The following LDLRAD4 variants were observed in gnomAD, a reference collection of about 807,000 sequenced individuals.
LDLRAD4 encodes low density lipoprotein receptor class A domain containing 4.
In LDLRAD4, 5 loss-of-function variants were observed where a neutral mutation model predicts 17.0. The observed-to-expected ratio is 0.29, with a 90% CI of 0.15 to 0.62. The LOEUF is 0.62. Ranked by LOEUF, LDLRAD4 falls within the 20% of genes least tolerant of loss-of-function variation. The pLI is 0.84. For missense variants in LDLRAD4, 340 were observed against 424.7 expected, an observed-to-expected ratio of 0.80 and a Z score of 1.75; for synonymous variants, 168 against 171.8, an observed-to-expected ratio of 0.98 and a Z score of 0.17.
At chr18:13,525,150 C>T (rs548373515) in intron 3 of LDLRAD4, among the ~76,000 whole-genome samples, 2 of 152,246 alleles carry the variant, frequency 1.3e-5, no homozygotes, top group African/African-American at 2.4e-5. Flanking sequence ...GTGGGAGTGG[C>T]GTGGGAGCTG....
At position 13,278,436 on chromosome 18, in the gene LDLRAD4, C is replaced by CA. The variant is rs1166566232; in HGVS notation, c.-383+249dup. 3 of 152,250 alleles carry CA rather than the reference C, an allele frequency of 2.0e-5. No homozygotes were observed. In the East Asian group the frequency reaches 5.8e-4, roughly 29 times the overall value. 9.4% of individuals were successfully genotyped at this position (152,250 alleles called of 1,614,324 possible). A position where few individuals can be genotyped will look rare whatever the true frequency, so the allele number is the denominator to read the frequency against. ...AGCCCTGGTGGGGGACAGTCAGTGG[C>CA]AGAGCTGGGAGATGCCCAGAGCCCC... is the stretch of plus-strand genomic sequence containing the variant. On this transcript the variant is annotated intron_variant, in intron 1 of 5. Transcript: ENST00000359446.
intron 1 of LDLRAD4, among the ~76,000 whole-genome samples, chr18:13,297,950 C>A (rs1001608643): frequency 6.6e-6 from 1 of 152,206 alleles, no homozygotes; most frequent in Non-Finnish European, 1.5e-5. Flanking sequence ...GAGGCTGGGC[C>A]CTCTCTTAGT....
At chr18:13,452,092 C>T (rs1428439878) in intron 3 of LDLRAD4, among the ~76,000 whole-genome samples, 2 of 152,174 alleles carry the variant, frequency 1.3e-5, no homozygotes, top group African/African-American at 4.8e-5. Context: ...GTGGCGTGTG[C>T]CCCTGAGAGT....
chr18:13,477,963 A>C (rs761584738), intron 3 of LDLRAD4, among the ~76,000 whole-genome samples: 2 of 152,186 alleles, frequency 1.3e-5, no homozygotes, highest in African/African-American at 2.4e-5. Context: ...GAAGGATACC[A>C]AAGGCAGGTG....
chr18:13,581,378 T>A (rs1453057252), intron 3 of LDLRAD4, among the ~76,000 whole-genome samples: 1 of 152,190 alleles, frequency 6.6e-6, no homozygotes, highest in African/African-American at 2.4e-5. Flanking sequence ...CAGGCCTGTC[T>A]CTCATTTTCT....
chr18:13,600,359 T>C (rs546103293), intron 3 of LDLRAD4, among the ~76,000 whole-genome samples: 2 of 152,290 alleles, frequency 1.3e-5, no homozygotes, highest in South Asian at 4.2e-4. Flanking sequence ...AAGACATTGA[T>C]TTGGTCCTAG....
chr18:13,375,705 C>T (rs888757104), intron 1 of LDLRAD4, among the ~76,000 whole-genome samples: 1 of 152,158 alleles, frequency 6.6e-6, no homozygotes, highest in Admixed American at 6.5e-5. Flanking sequence ...TTTACTGGGG[C>T]AATCATGGTG....
chr18:13,467,240 A>G (rs1647286818), intron 3 of LDLRAD4, among the ~76,000 whole-genome samples: 1 of 152,252 alleles, frequency 6.6e-6, no homozygotes, highest in South Asian at 2.1e-4. Flanking sequence ...TCTTATGTAT[A>G]GAGTATCTCC....
chr18:13,529,058 G>A (rs1297892890), intron 3 of LDLRAD4, among the ~76,000 whole-genome samples: 2 of 152,232 alleles, frequency 1.3e-5, no homozygotes, highest in Non-Finnish European at 2.9e-5. Flanking sequence ...ATGGGAAGTC[G>A]AAATAGCAGC....
intron 3 of LDLRAD4, chr18:13,612,698 C>A: frequency 6.2e-7 from 1 of 1,613,814 alleles, no homozygotes; most frequent in Non-Finnish European, 8.5e-7. Flanking sequence ...TTGCAGAGGA[C>A]CTGATTATGT....
intron 1 of LDLRAD4, among the ~76,000 whole-genome samples, chr18:13,379,570 C>A (rs1474610539): frequency 6.6e-6 from 1 of 152,194 alleles, no homozygotes; most frequent in South Asian, 2.1e-4. Context: ...CTGCTGTCTC[C>A]CCAGCTCCTA....
intron 3 of LDLRAD4, among the ~76,000 whole-genome samples, chr18:13,493,929 T>G (rs2147144675): frequency 6.6e-6 from 1 of 152,364 alleles, no homozygotes; most frequent in African/African-American, 2.4e-5. Flanking sequence ...TCCCCGCTTC[T>G]GAGAATCCCT....
chr18:13,573,232 G>A (rs2094717893), intron 3 of LDLRAD4, among the ~76,000 whole-genome samples: 1 of 152,180 alleles, frequency 6.6e-6, no homozygotes, highest in Non-Finnish European at 1.5e-5. Flanking sequence ...AGCCTCTTAA[G>A]TAGCTGGGAT....
intron 3 of LDLRAD4, among the ~76,000 whole-genome samples, chr18:13,579,064 C>T (rs1440628043): frequency 6.6e-6 from 1 of 151,804 alleles, no homozygotes; most frequent in African/African-American, 2.4e-5. Flanking sequence ...ATGGCACGTG[C>T]CTGTAGTCCC....
rs981653375 is a variant in LDLRAD4, at chr18:13,286,691, C to T, written c.-383+8503C>T. On this transcript the variant is annotated intron_variant, in intron 1 of 5. Coordinates refer to ENST00000359446, the Ensembl canonical transcript of LDLRAD4. ...TCAGAGGAGACAGTGTCATTAGATG[C>T]GTGTTTAGGAAGCTGAGTCTGGTGG... Among the ~76,000 whole-genome samples, 59 of 152,090 alleles carry T rather than the reference C, an allele frequency of 3.9e-4. 1 individual carries two copies. Among genetic ancestry groups the T allele is most frequent in the Middle Eastern group, 3.2e-3 (1 of 316 alleles).
intron 3 of LDLRAD4, among the ~76,000 whole-genome samples, chr18:13,545,927 C>T (rs1394980143): frequency 6.6e-6 from 1 of 152,166 alleles, no homozygotes; most frequent in Non-Finnish European, 1.5e-5. Context: ...GAGCTGTCCT[C>T]AATCCTAAGC....
At chr18:13,574,540 G>A (rs1254823590) in intron 3 of LDLRAD4, among the ~76,000 whole-genome samples, 1 of 152,156 alleles carries the variant, frequency 6.6e-6, no homozygotes, top group Non-Finnish European at 1.5e-5. Flanking sequence ...TCGATGTGCG[G>A]CAGGACCATG....
intron 3 of LDLRAD4, among the ~76,000 whole-genome samples, chr18:13,499,318 G>A (rs1303474592): frequency 3.0e-5 from 4 of 134,954 alleles, no homozygotes; most frequent in South Asian, 2.4e-4. Flanking sequence ...ACTCACACAC[G>A]TCCCGCCATG....
chr18:13,342,897 T>C (rs2082456527), intron 1 of LDLRAD4, among the ~76,000 whole-genome samples: 2 of 152,042 alleles, frequency 1.3e-5, no homozygotes, highest in Non-Finnish European at 2.9e-5. Context: ...AGTTAGTTGT[T>C]TCTGTTTTTC....
Sources: gnomAD v4.1 joint callset for allele counts (sites outside exome capture counted in the v4.1 genomes callset) on GRCh38, gnomAD v4.1.1 for gene constraint, MANE v1.5 for transcripts, NCBI Gene and HGNC (gene_info 2026-07-23, HGNC 2026-07-21) for gene names.